Variants in RAB3IP observed in about 807,000 individuals in gnomAD.
The protein encoded by RAB3IP is RAB3A interacting protein.
RAB3IP carries 36 observed loss-of-function variants against 59.1 expected under a neutral mutation model. The ratio of observed to expected loss-of-function variants is 0.61; its 90% CI spans 0.47 to 0.80. The LOEUF is 0.80. Among genes scored for constraint, RAB3IP ranks in the 30% least tolerant of loss-of-function variants. The pLI is 0.00. For synonymous variants in RAB3IP, 207 were observed against 191.2 expected (o/e 1.08, Z -0.68); for missense variants, 511 against 536.0 (o/e 0.95, Z 0.46).
chr12:69,785,583 G>T (rs1875509837), intron 4 of RAB3IP, among the ~76,000 whole-genome samples: 1 of 152,060 alleles, frequency 6.6e-6, no homozygotes, highest in Non-Finnish European at 1.5e-5. Context: ...TGAGTCTGAA[G>T]GCAGAAAAAA....
In RAB3IP at chr12:69,756,494, C is replaced by T. The variant is rs758693018; in HGVS notation, c.341C>T (p.Ala114Val). The change falls in exon 3 of 11, where the codon GCA becomes GTA. Residue 114 changes from alanine (A) to valine (V), a missense_variant. Ala to Val is a moderately conservative substitution (Grantham distance 64). Transcript: ENST00000247833. ...ACTACAAGAAAGGACAACTATAATG[C>T]AGAGAGAGAGTTTTTACAGGGTGCT... The part of the protein sequence containing the change: ...KLTTRKDNYN[A>V]EREFLQGATI... The T allele has an allele frequency of 1.2e-6, 2 of 1,614,048 alleles. No homozygotes were observed. The highest frequency in any genetic ancestry group is 2.2e-5 in the South Asian group (2 of 91,072).
At position 69,756,577 on chromosome 12, in the gene RAB3IP, C is replaced by T; in HGVS notation, c.424C>T (p.Leu142=). Residue 142 remains leucine (L), a synonymous_variant, in exon 3 of 11, where the codon CTG becomes TTG. Coordinates refer to ENST00000247833, the MANE Select transcript of RAB3IP (RefSeq NM_022456.5). ...DDIFGLSTDS[L]SRLRSPSVLE... ...TATTTTTGGGTTGAGTACTGATAGTCTGTCTCGTTTACGAAGCCCATCTGT... is the reference window on the plus strand; with the variant it reads ...TATTTTTGGGTTGAGTACTGATAGTTTGTCTCGTTTACGAAGCCCATCTGT... 2.5e-6 allele frequency: 4 copies of T among 1,614,090 alleles called. No homozygotes were observed. The highest frequency in any genetic ancestry group is 3.4e-6 in the Non-Finnish European group (4 of 1,179,972).
intron 3 of RAB3IP, among the ~76,000 whole-genome samples, chr12:69,775,139 G>T (rs1420027940): frequency 2.0e-5 from 1 of 49,392 alleles, no homozygotes; most frequent in Non-Finnish European, 4.1e-5. Flanking sequence ...TCCCTTGTAA[G>T]TTGGATTCCT....
intron 1 of RAB3IP, among the ~76,000 whole-genome samples, chr12:69,740,674 C>T (rs900311182): frequency 1.3e-5 from 2 of 152,164 alleles, no homozygotes; most frequent in African/African-American, 4.8e-5. Flanking sequence ...TGAATTAGTG[C>T]AGTTATCCAT....
At chr12:69,814,093 G>A (rs1470715678) in intron 10 of RAB3IP, among the ~76,000 whole-genome samples, 1 of 151,920 alleles carries the variant, frequency 6.6e-6, no homozygotes, top group African/African-American at 2.4e-5. Context: ...TACTTTTTTT[G>A]ACTTTAATAA....
rs1555218302 is a variant in RAB3IP, at chr12:69,754,372, G to GACAC, written c.-25-1012_-25-1011insACAC. On this transcript the variant is annotated intron_variant, in intron 1 of 10. Coordinates refer to ENST00000247833, the MANE Select transcript of RAB3IP (RefSeq NM_022456.5). Reference sequence around the variant, plus strand: ...ACACACACACACACACACACACACTGTGTATATGTATACATTGAGATATTA... The same window carrying GACAC: ...ACACACACACACACACACACACACTGACACTGTATATGTATACATTGAGATATTA... Among the ~76,000 whole-genome samples the GACAC allele has an allele frequency of 3.3e-3, 407 of 125,084 alleles. 1 individual carries two copies. The highest frequency in any genetic ancestry group is 0.026 in the South Asian group (94 of 3,680). The allele number at this position is 125,084 out of a possible 152,430, so 82.1% of individuals were successfully genotyped here. A position where few individuals can be genotyped will look rare whatever the true frequency, so the allele number is the denominator to read the frequency against.
At chr12:69,763,782 C>T (rs1871753119) in intron 3 of RAB3IP, among the ~76,000 whole-genome samples, 1 of 152,064 alleles carries the variant, frequency 6.6e-6, no homozygotes, top group African/African-American at 2.4e-5. Flanking sequence ...CTAGTAGTCC[C>T]CAGTTTCTAT....
At chr12:69,798,010 A>G (rs905301902) in intron 6 of RAB3IP, among the ~76,000 whole-genome samples, 1 of 152,180 alleles carries the variant, frequency 6.6e-6, no homozygotes, top group Non-Finnish European at 1.5e-5. Flanking sequence ...TTATAGCAGC[A>G]TGATTTATAG....
chr12:69,740,558 G>A (rs1041446992), intron 1 of RAB3IP, among the ~76,000 whole-genome samples: 24 of 152,108 alleles, frequency 1.6e-4, no homozygotes, highest in African/African-American at 5.8e-4. Context: ...TCTGTGTTTG[G>A]TAAACAACTC....
chr12:69,794,918 T>C (rs1056081387), intron 5 of RAB3IP, among the ~76,000 whole-genome samples: 3 of 152,200 alleles, frequency 2.0e-5, no homozygotes, highest in Admixed American at 6.5e-5. Flanking sequence ...TTAGATATTT[T>C]GGTAATTTTC....
At chr12:69,768,229 T>C (rs893258058) in intron 3 of RAB3IP, among the ~76,000 whole-genome samples, 2 of 152,202 alleles carry the variant, frequency 1.3e-5, no homozygotes, top group Admixed American at 6.5e-5. Context: ...TGCCTGGGCA[T>C]GGACCAGAGA....
At chr12:69,742,714 G>A (rs1887467124) in intron 1 of RAB3IP, among the ~76,000 whole-genome samples, 2 of 152,284 alleles carry the variant, frequency 1.3e-5, no homozygotes, top group South Asian at 4.2e-4. Flanking sequence ...GAGAAATGAA[G>A]GGACAAAGGA....
At position 69,772,098 on chromosome 12, in the gene RAB3IP, C is replaced by T. The variant is rs1285702969; in HGVS notation, c.511-12622C>T. ...CCTTTTATGTCTATTAATATTTGCT[C>T]CAATGTAAGGTGCATATATATTTAC... is the stretch of plus-strand genomic sequence containing the variant. On this transcript the variant is annotated intron_variant, in intron 3 of 10. Transcript: ENST00000247833. Among the ~76,000 whole-genome samples the T allele has an allele frequency of 2.0e-5, 3 of 152,122 alleles. No homozygotes were observed. The East Asian group carries it at 5.8e-4, about 29-fold the overall frequency.
intron 7 of RAB3IP, 150 bp downstream of exon 7, chr12:69,800,487 CATG>C: frequency 1.9e-6 from 1 of 518,732 alleles, no homozygotes; most frequent in South Asian, 3.0e-5. Context: ...GTACTAGAAT[CATG>C]ATAATTTCTT....
rs748979783 is a variant in RAB3IP at position 69,815,358 on chromosome 12, G to C, written c.1301-6G>C. 5.0e-6 allele frequency: 8 copies of C among 1,584,810 alleles called. No individual in the cohort carries two copies. The highest frequency in any genetic ancestry group is 1.7e-4 in the Middle Eastern group (1 of 6,006). On this transcript the variant is annotated splice_region_variant and splice_polypyrimidine_tract_variant and intron_variant, in intron 10 of 10. Transcript: ENST00000247833. ...ATTTAAATATCTCTCTTTTCTGTTT[G>C]TATAGTTGATCAGATGTTTTGGGAG...
Position 69,817,686 on chromosome 12 carries a change from A to ACACACACACACACT in RAB3IP, c.*2241_*2242insACACACACACACTC, listed in dbSNP as rs1477579177. 6.7e-6 allele frequency: 1 copy of ACACACACACACACT among 149,276 alleles called. No homozygotes were observed. Among genetic ancestry groups the ACACACACACACACT allele is most frequent in the African/African-American group, 2.5e-5 (1 of 40,184 alleles). 9.2% of individuals were successfully genotyped at this position (149,276 alleles called of 1,614,324 possible). A position where few individuals can be genotyped will look rare whatever the true frequency, so the allele number is the denominator to read the frequency against. ...CACACACACACACACACACACACAC[A>ACACACACACACACT]CTGTGTCCATGAACTTGGGAGGATG... On this transcript the variant is annotated 3_prime_UTR_variant, in exon 11 of 11. Coordinates refer to ENST00000247833, the MANE Select transcript of RAB3IP (RefSeq NM_022456.5).
intron 1 of RAB3IP, among the ~76,000 whole-genome samples, chr12:69,740,475 T>C (rs1887216045): frequency 6.6e-6 from 1 of 152,220 alleles, no homozygotes; most frequent in Admixed American, 6.5e-5. Flanking sequence ...GCCATTGCAT[T>C]TTTTTCCATT....
intron 4 of RAB3IP, among the ~76,000 whole-genome samples, chr12:69,792,088 A>G (rs1876716617): frequency 6.6e-6 from 1 of 152,218 alleles, no homozygotes; most frequent in Non-Finnish European, 1.5e-5. Flanking sequence ...TCTCACTTAT[A>G]TGTGGAATCT....
chr12:69,802,505 C>T (rs76356924), intron 8 of RAB3IP, among the ~76,000 whole-genome samples: 5,098 of 152,198 alleles, frequency 0.033, 109 homozygotes, highest in Non-Finnish European at 0.048. Flanking sequence ...CTAGCAAAGA[C>T]GAAAGGTTTT....
Sources: gnomAD v4.1 joint callset for allele counts (sites outside exome capture counted in the v4.1 genomes callset) on GRCh38, gnomAD v4.1.1 for gene constraint, MANE v1.5 for transcripts, NCBI Gene and HGNC (gene_info 2026-07-23, HGNC 2026-07-21) for gene names.